The following RPS6KA2 variants were observed in gnomAD, a reference collection of about 807,000 sequenced individuals.
The protein encoded by RPS6KA2 is ribosomal protein S6 kinase A2.
A neutral mutation model predicts 91.8 loss-of-function variants in RPS6KA2; 42 were observed. The observed-to-expected ratio is 0.46, with a 90% CI of 0.36 to 0.59. The LOEUF (loss-of-function observed/expected upper bound fraction) is 0.59. Among genes scored for constraint, RPS6KA2 ranks in the 20% least tolerant of loss-of-function variants. RPS6KA2 has a pLI of 0.00. For synonymous variants in RPS6KA2, 414 were observed against 393.6 expected (o/e 1.05, Z -0.61); for missense variants, 798 against 978.5 (o/e 0.82, Z 2.46).
At chr6:166,714,135 C>T (rs1789946037) in intron 2 of RPS6KA2, among the ~76,000 whole-genome samples, 1 of 152,196 alleles carries the variant, frequency 6.6e-6, no homozygotes, top group Non-Finnish European at 1.5e-5. Context: ...CTAATCCCAG[C>T]CCACAGGGTA....
intron 16 of RPS6KA2, among the ~76,000 whole-genome samples, chr6:166,428,917 C>T (rs1779021068): frequency 6.6e-6 from 1 of 150,422 alleles, no homozygotes; most frequent in African/African-American, 2.4e-5. Flanking sequence ...ACCATTTGAC[C>T]CAGCCATCCC....
intron 2 of RPS6KA2, among the ~76,000 whole-genome samples, chr6:166,756,597 C>T (rs964491119): frequency 3.9e-5 from 6 of 152,136 alleles, no homozygotes; most frequent in Admixed American, 2.0e-4. Flanking sequence ...CCTGTAATCC[C>T]ACCTCTTTGG....
chr6:166,444,069 A>G (rs1461201729), intron 14 of RPS6KA2, among the ~76,000 whole-genome samples: 1 of 152,210 alleles, frequency 6.6e-6, no homozygotes, highest in East Asian at 1.9e-4. Context: ...ACAAATCAGC[A>G]CTATCTAGAA....
intron 3 of RPS6KA2, among the ~76,000 whole-genome samples, chr6:166,512,106 AACAC>A (rs937964999): frequency 6.6e-6 from 1 of 151,050 alleles, no homozygotes; most frequent in Non-Finnish European, 1.5e-5. Flanking sequence ...CACATACACA[AACAC>A]ACACACACAC....
In RPS6KA2 at chr6:166,437,175, C is replaced by T. The variant is rs771405357; in HGVS notation, c.1333-4685G>A. 2.6e-4 allele frequency among the ~76,000 whole-genome samples: 40 copies of T among 151,992 alleles called. No homozygotes were observed. The highest frequency in any genetic ancestry group is 4.4e-4 in the Non-Finnish European group (30 of 68,020). ...ATGACCTGGATCTGCTGCGGGCAGC[C>T]GGGGTTTGGACACACTGTTTAGGAG... On this transcript the variant is annotated intron_variant, in intron 14 of 20. Transcript: ENST00000265678. The surrounding 1 kb of genome is among the most constrained non-coding windows in gnomAD (Gnocchi z 4.3).
rs1787728649 is a variant in RPS6KA2 at position 166,648,233 on chromosome 6, C to G, written c.124-109449G>C. On this transcript the variant is annotated intron_variant, in intron 2 of 21. Coordinates refer to the RPS6KA2 transcript ENST00000503859. This position sits in a 1 kb window ranked among gnomAD's most constrained non-coding sequence, Gnocchi z 4.8. ...ATGCACACACACGCACATGCGCACACACACACATTCACACAGGCACACACA... is the reference window on the plus strand; with the variant it reads ...ATGCACACACACGCACATGCGCACAGACACACATTCACACAGGCACACACA... Among the ~76,000 whole-genome samples, 1 of 149,166 alleles carries G rather than the reference C, an allele frequency of 6.7e-6. No individual in the cohort carries two copies. The highest frequency in any genetic ancestry group is 2.2e-4 in the South Asian group (1 of 4,588).
intron 2 of RPS6KA2, among the ~76,000 whole-genome samples, chr6:166,652,698 G>C (rs1787888333): frequency 6.6e-6 from 1 of 152,164 alleles, no homozygotes; most frequent in South Asian, 2.1e-4. Flanking sequence ...AGCTAGGCGA[G>C]AGTTGAGTCC....
chr6:166,604,930 A>G (rs1785890117), intron 1 of RPS6KA2, among the ~76,000 whole-genome samples: 1 of 152,098 alleles, frequency 6.6e-6, no homozygotes, highest in Admixed American at 6.5e-5. Context: ...ATTAAGACTT[A>G]ATCCAATTAT....
Position 166,490,768 on chromosome 6 carries a change from GTTCA to G in RPS6KA2, c.748-31_748-28del. 1 of 1,584,210 alleles carries G rather than the reference GTTCA, an allele frequency of 6.3e-7. No individual in the cohort carries two copies. The highest frequency in any genetic ancestry group is 8.7e-7 in the Non-Finnish European group (1 of 1,155,366). ...TGCAGAGCAACACAGAGCACAGTGAGTTCATTCATCCAGATGGACCCGGCTTCAC... is the reference window on the plus strand; with the variant it reads ...TGCAGAGCAACACAGAGCACAGTGAGTTCATCCAGATGGACCCGGCTTCAC... On this transcript the variant is annotated intron_variant, in intron 8 of 20. Coordinates refer to ENST00000265678, the MANE Select transcript of RPS6KA2 (RefSeq NM_021135.6). This position sits in a 1 kb window ranked among gnomAD's most constrained non-coding sequence, Gnocchi z 4.2.
chr6:166,701,841 T>G (rs1249459007), intron 2 of RPS6KA2: 5 of 896,560 alleles, frequency 5.6e-6, no homozygotes, highest in Non-Finnish European at 9.2e-6. Context: ...ACATTGCCTT[T>G]AGCTGTAATG....
intron 2 of RPS6KA2, among the ~76,000 whole-genome samples, chr6:166,802,804 T>G (rs1442014365): frequency 1.3e-5 from 2 of 152,110 alleles, no homozygotes; most frequent in Non-Finnish European, 2.9e-5. Flanking sequence ...TAGAGAAAAT[T>G]AGACAAGCCA....
intron 2 of RPS6KA2, among the ~76,000 whole-genome samples, chr6:166,822,780 C>T (rs940630900): frequency 2.9e-5 from 4 of 139,718 alleles, no homozygotes; most frequent in Non-Finnish European, 4.7e-5. Flanking sequence ...GGGCTCAGCA[C>T]GTGTTTTCCA....
In RPS6KA2 at chr6:166,682,413, A is replaced by G. The variant is rs117549196; in HGVS notation, c.124-143629T>C. ...ATGGGGAGTGTCTTTTCCCTACTTC[A>G]TCGGAGCCTAGAATGCCCACAGGTG... On this transcript the variant is annotated intron_variant, in intron 2 of 21. Transcript: ENST00000503859. 4.6e-3 allele frequency among the ~76,000 whole-genome samples: 702 copies of G among 152,306 alleles called. 17 individuals carry two copies. The East Asian group carries it at 0.064, about 14-fold the overall frequency.
chr6:166,826,464 C>T lies in RPS6KA2; in HGVS notation c.123+31736G>A, dbSNP rs181899646. Among the ~76,000 whole-genome samples the T allele has an allele frequency of 7.9e-5, 12 of 152,360 alleles. No individual in the cohort carries two copies. In the East Asian group the frequency reaches 1.7e-3, roughly 22 times the overall value. ...ACCTAAATCAGATTCAAGTCATCCA[C>T]AGCGCTGCTTGGTATGTGTGCAATT... is the stretch of plus-strand genomic sequence containing the variant. On this transcript the variant is annotated intron_variant, in intron 2 of 21. Coordinates refer to the RPS6KA2 transcript ENST00000503859.
At chr6:166,446,622 T>G (rs1334044854) in intron 14 of RPS6KA2, among the ~76,000 whole-genome samples, 1 of 152,170 alleles carries the variant, frequency 6.6e-6, no homozygotes, top group Non-Finnish European at 1.5e-5. Flanking sequence ...GTAACAAAGC[T>G]GAATTCAGAC....
intron 1 of RPS6KA2, among the ~76,000 whole-genome samples, chr6:166,584,891 A>C (rs1785121057): frequency 6.6e-6 from 1 of 152,246 alleles, no homozygotes; most frequent in Non-Finnish European, 1.5e-5. Flanking sequence ...GGTTTACAAT[A>C]ACAACATTAG....
intron 11 of RPS6KA2, among the ~76,000 whole-genome samples, chr6:166,461,507 A>G (rs914913765): frequency 2.6e-5 from 3 of 113,932 alleles, no homozygotes; most frequent in Non-Finnish European, 5.3e-5. Context: ...GTGGAGAGAG[A>G]GAGAGAGAGA....
intron 1 of RPS6KA2, among the ~76,000 whole-genome samples, chr6:166,574,087 A>T (rs1784770895): frequency 1.3e-5 from 2 of 151,972 alleles, no homozygotes. Flanking sequence ...CAATGGCACC[A>T]CTCCTTGCTC....
chr6:166,783,750 A>G (rs1002875207), intron 2 of RPS6KA2, among the ~76,000 whole-genome samples: 1 of 149,430 alleles, frequency 6.7e-6, no homozygotes, highest in African/African-American at 2.5e-5. Flanking sequence ...ACACCTATCT[A>G]AAACCACATA....
Sources: allele counts gnomAD v4.1 joint callset (sites outside exome capture counted in the v4.1 genomes callset), GRCh38; gene constraint gnomAD v4.1.1; non-coding constraint Gnocchi (gnomAD v3.1); transcripts MANE v1.5; gene names NCBI Gene and HGNC (gene_info 2026-07-23, HGNC 2026-07-21).